Variants in SFR1 observed in about 807,000 individuals in gnomAD.
SFR1 encodes the protein swi5-dependent recombination DNA repair protein 1 homolog.
In SFR1, 24 loss-of-function variants were observed where a neutral mutation model predicts 26.2. That is an observed-to-expected ratio of 0.92 (90% CI 0.66 to 1.29). The LOEUF is 1.29. SFR1 is among the 50% of genes most tolerant of loss of function. The pLI, the probability that SFR1 is intolerant of heterozygous loss-of-function variation, is 0.00. For missense variants in SFR1, 276 were observed against 270.2 expected (o/e 1.02, Z -0.15); for synonymous variants, 77 against 96.6 (o/e 0.80, Z 1.19).
intron 1 of SFR1, chr10:104,122,581 T>C (rs540753096): frequency 1.1e-4 from 107 of 985,430 alleles, no homozygotes; most frequent in Non-Finnish European, 1.2e-4. Context: ...TCAGGTCCTA[T>C]TGTTTTTGAG....
At chr10:104,123,180 CATA>C (rs1179679966) in intron 2 of SFR1, 94 bp downstream of exon 2, 2 of 1,014,248 alleles carry the variant, frequency 2.0e-6, no homozygotes, top group Non-Finnish European at 2.9e-6. Flanking sequence ...TGTTAATTAA[CATA>C]ATGTGTAGCA....
chr10:104,120,548 G>A (rs1048175068), upstream of SFR1, among the ~76,000 whole-genome samples: 1 of 152,140 alleles, frequency 6.6e-6, no homozygotes, highest in African/African-American at 2.4e-5. Flanking sequence ...GATAAATCAA[G>A]GGGTGAAACT....
chr10:104,122,960 T>C lies in SFR1; in HGVS notation c.14-5T>C. On this transcript the variant is annotated splice_polypyrimidine_tract_variant and splice_region_variant and intron_variant, in intron 1 of 3. Coordinates refer to ENST00000369727, the MANE Select transcript of SFR1 (RefSeq NM_001002759.2). Reference sequence around the variant, plus strand: ...TTCGATTATTTTATAATTTTTCTTTTTTAGAGAAAAACCAAGATTTCACTT... The same window carrying C: ...TTCGATTATTTTATAATTTTTCTTTCTTAGAGAAAAACCAAGATTTCACTT... 2 of 1,612,596 alleles carry C rather than the reference T, an allele frequency of 1.2e-6. No individual in the cohort carries two copies. Among genetic ancestry groups the C allele is most frequent in the Non-Finnish European group, 1.7e-6 (2 of 1,179,000 alleles).
intron 1 of SFR1, chr10:104,122,685 C>G: frequency 7.4e-7 from 1 of 1,359,802 alleles, no homozygotes; most frequent in Non-Finnish European, 9.5e-7. Context: ...ACTTCCAAGG[C>G]AGAATTTGAA....
intron 2 of SFR1, 82 bp from the exon 3 acceptor site, chr10:104,123,632 G>T: frequency 8.8e-7 from 1 of 1,130,010 alleles, no homozygotes; most frequent in East Asian, 2.5e-5. Context: ...CATAGAAATG[G>T]AAGGACTTTA....
intron 3 of SFR1, 105 bp downstream of exon 3, chr10:104,124,229 C>A: frequency 1.9e-6 from 2 of 1,044,956 alleles, no homozygotes; most frequent in Non-Finnish European, 1.3e-6. Context: ...AAGCAATAAG[C>A]CAAATATTCA....
upstream of SFR1, chr10:104,122,090 A>T: frequency 6.9e-7 from 1 of 1,442,582 alleles, no homozygotes; most frequent in East Asian, 2.5e-5. Context: ...AATCTGGCCA[A>T]TTGCGCATCT....
intron 3 of SFR1, 151 bp from the exon 4 acceptor site, chr10:104,125,362 A>G (rs1188060501): frequency 4.9e-6 from 3 of 612,820 alleles, no homozygotes; most frequent in Non-Finnish European, 8.6e-6. Flanking sequence ...ACCATTCTAC[A>G]TATGACCATC....
intron 3 of SFR1, 106 bp from the exon 4 acceptor site, chr10:104,125,407 T>C: frequency 1.3e-6 from 1 of 797,646 alleles, no homozygotes; most frequent in Non-Finnish European, 2.0e-6. Context: ...CATTCATCCC[T>C]GTGTATGTTA....
chr10:104,124,166 C>A, intron 3 of SFR1, 42 bp downstream of exon 3: 1 of 1,418,076 alleles, frequency 7.1e-7, no homozygotes, highest in South Asian at 1.6e-5. Flanking sequence ...TTTATTTTTA[C>A]ATAAATTACA....
In SFR1 at chr10:104,122,950, A is replaced by G. The variant is rs758094726; in HGVS notation, c.14-15A>G. 23 of 1,610,710 alleles carry G rather than the reference A, an allele frequency of 1.4e-5. No homozygotes were observed. The highest frequency in any genetic ancestry group is 2.2e-5 in the South Asian group (2 of 90,966). On this transcript the variant is annotated splice_polypyrimidine_tract_variant and intron_variant, in intron 1 of 3. Transcript: ENST00000369727. ...GTGTGGTTAATTCGATTATTTTATAATTTTTCTTTTTTAGAGAAAAACCAA... is the reference window on the plus strand; with the variant it reads ...GTGTGGTTAATTCGATTATTTTATAGTTTTTCTTTTTTAGAGAAAAACCAA...
upstream of SFR1, among the ~76,000 whole-genome samples, chr10:104,121,036 C>T (rs2086955423): frequency 6.6e-6 from 1 of 152,100 alleles, no homozygotes; most frequent in Non-Finnish European, 1.5e-5. Flanking sequence ...TCACTAAACC[C>T]AGTGCTCCAC....
intron 3 of SFR1, 34 bp downstream of exon 3, chr10:104,124,158 T>G (rs1391256310): frequency 1.3e-5 from 19 of 1,444,852 alleles, no homozygotes; most frequent in Non-Finnish European, 1.6e-5. Context: ...GCATAATTTT[T>G]ATTTTTACAT....
intron 1 of SFR1, 101 bp from the exon 2 acceptor site, chr10:104,122,860 GCTTA>G (rs1369922757): frequency 6.4e-6 from 10 of 1,555,708 alleles, no homozygotes; most frequent in Middle Eastern, 1.7e-4. Flanking sequence ...GAAATATCTG[GCTTA>G]CTTGTGGATG....
At position 104,126,376 on chromosome 10, in the gene SFR1, C is replaced by G. The variant is rs1466705413; in HGVS notation, c.*672C>G. 2 of 152,604 alleles carry G rather than the reference C, an allele frequency of 1.3e-5. No homozygotes were observed. Among genetic ancestry groups the G allele is most frequent in the Admixed American group, 1.3e-4 (2 of 15,284 alleles). 9.5% of individuals were successfully genotyped at this position (152,604 alleles called of 1,614,324 possible). A position where few individuals can be genotyped will look rare whatever the true frequency, so the allele number is the denominator to read the frequency against. ...TAGCAGGTAATTAAACTTATATGTC[C>G]AAAACCATATTCTTCCCTGTCTCTT... On this transcript the variant is annotated 3_prime_UTR_variant, in exon 4 of 4. Transcript: ENST00000369727.
Position 104,122,171 on chromosome 10 carries a change from GCTCT to G in SFR1, c.-11_-8del. ...CGGCCGCAGGTGCGCGCGCTTTTTTGCTCTCGCTGGGAATGGCGGAGGGAGGTAC... is the reference window on the plus strand; with the variant it reads ...CGGCCGCAGGTGCGCGCGCTTTTTTGCGCTGGGAATGGCGGAGGGAGGTAC... On this transcript the variant is annotated 5_prime_UTR_variant, in exon 1 of 4. Transcript: ENST00000369727. 6.5e-7 allele frequency: 1 copy of G among 1,549,142 alleles called. No homozygotes were observed. The highest frequency in any genetic ancestry group is 8.7e-7 in the Non-Finnish European group (1 of 1,146,346).
intron 3 of SFR1, among the ~76,000 whole-genome samples, chr10:104,124,355 T>C (rs1404226787): frequency 6.6e-6 from 1 of 152,064 alleles, no homozygotes; most frequent in Non-Finnish European, 1.5e-5. Context: ...CAGTTAAACT[T>C]TTCTCTCTAG....
rs546304248 is a variant in SFR1, at chr10:104,124,101, C to G, written c.523C>G (p.Leu175Val). 1 of 1,609,268 alleles carries G rather than the reference C, an allele frequency of 6.2e-7. No individual in the cohort carries two copies. Among genetic ancestry groups the G allele is most frequent in the Non-Finnish European group, 8.5e-7 (1 of 1,178,486 alleles). The change falls in exon 3 of 4, where the codon CTA becomes GTA. Residue 175 changes from leucine to valine, a missense_variant. By Grantham distance (32) the Leu-to-Val change is conservative. Coordinates refer to ENST00000369727, the MANE Select transcript of SFR1 (RefSeq NM_001002759.2). ...AGAAGACCTTCTTCGGAGGCTAAAA[C>G]TAGTCAAAATGTATAGATCAAAGGT... ...EKEDLLRRLK[L>V]VKMYRSKNDL...
chr10:104,124,954 A>G (rs1933891), intron 3 of SFR1, among the ~76,000 whole-genome samples: 32,298 of 151,624 alleles, frequency 0.21, 3,999 homozygotes, highest in African/African-American at 0.35. Flanking sequence ...GTGCCATCAC[A>G]CCTGGCTAAT....
Sources: gnomAD v4.1 joint callset for allele counts (sites outside exome capture counted in the v4.1 genomes callset) on GRCh38, gnomAD v4.1.1 for gene constraint, MANE v1.5 for transcripts, NCBI Gene and HGNC (gene_info 2026-07-23, HGNC 2026-07-21) for gene names.